The following PRMT2 variants were observed in gnomAD, a reference collection of about 807,000 sequenced individuals.
The protein encoded by PRMT2 is protein arginine N-methyltransferase 2.
In PRMT2, 26 loss-of-function variants were observed where a neutral mutation model predicts 57.6. That is an observed-to-expected ratio of 0.45 (90% confidence interval 0.33 to 0.63). The LOEUF is 0.63. Among genes scored for constraint, PRMT2 ranks in the 20% least tolerant of loss-of-function variants. PRMT2 has a pLI of 0.02. For synonymous variants in PRMT2, 219 were observed against 220.0 expected (o/e 1.00, Z 0.04); for missense variants, 472 against 564.4 (o/e 0.84, Z 1.66).
At chr21:46,653,072 T>G (rs749514885) in intron 7 of PRMT2, 12 of 1,074,988 alleles carry the variant, frequency 1.1e-5, no homozygotes, top group Non-Finnish European at 1.3e-5. Flanking sequence ...GTGCTGTCAA[T>G]ATGTGATGAG....
intron 3 of PRMT2, among the ~76,000 whole-genome samples, chr21:46,640,220 A>G (rs960128839): frequency 6.6e-6 from 1 of 152,198 alleles, no homozygotes; most frequent in Non-Finnish European, 1.5e-5. Flanking sequence ...ACAATAAATT[A>G]TCATTATTGC....
In PRMT2 at chr21:46,654,070, G is replaced by A. The variant is rs1394434036; in HGVS notation, c.654+4331G>A. ...GAGGAAGGAGGAGGAGCTGGTGGGTGCTGAGACTGCAGTGTCCTCCTTCCC... is the reference window on the plus strand; with the variant it reads ...GAGGAAGGAGGAGGAGCTGGTGGGTACTGAGACTGCAGTGTCCTCCTTCCC... On this transcript the variant is annotated intron_variant, in intron 7 of 11. Transcript: ENST00000355680. 4.1e-6 allele frequency: 4 copies of A among 987,514 alleles called. No homozygotes were observed. In the Admixed American group the frequency reaches 1.8e-4, roughly 45 times the overall value. The allele number at this position is 987,514 out of a possible 1,614,324, so 61.2% of individuals were successfully genotyped here.
At chr21:46,642,019 T>G (rs2061285783) in intron 3 of PRMT2, among the ~76,000 whole-genome samples, 2 of 152,176 alleles carry the variant, frequency 1.3e-5, no homozygotes, top group South Asian at 4.1e-4. Flanking sequence ...GTAACAACAG[T>G]GATTTTTACC....
At position 46,643,623 on chromosome 21, in the gene PRMT2, C is replaced by T. The variant is rs1436612653; in HGVS notation, c.128C>T (p.Ala43Val). The T allele has an allele frequency of 6.8e-6, 11 of 1,609,380 alleles. No individual in the cohort carries two copies. The highest frequency in any genetic ancestry group is 6.8e-6 in the Non-Finnish European group (8 of 1,178,662). ...EEFVAIADYA[A>V]TDETQLSFLR... is the part of the protein sequence containing the mutation. The stretch of plus-strand genomic sequence containing the variant: ...TTTGTGGCCATCGCGGACTACGCTG[C>T]CACCGATGAGACCCAGGTAGCCACA... The change falls in exon 4 of 12, where the codon GCC becomes GTC. Residue 43 changes from alanine (A) to valine (V), a missense_variant. Ala to Val is a moderately conservative substitution (Grantham distance 64, BLOSUM62 0). This residue lies in a region of PRMT2 where 243 missense variants were observed against 347.2 expected (regional missense o/e 0.70). Coordinates refer to ENST00000355680, the MANE Select transcript of PRMT2 (RefSeq NM_206962.4).
intron 3 of PRMT2, among the ~76,000 whole-genome samples, chr21:46,640,326 T>C (rs1330886305): frequency 1.3e-5 from 2 of 152,186 alleles, no homozygotes; most frequent in Non-Finnish European, 2.9e-5. Context: ...TTTCCCTTTT[T>C]CTTGCATTCT....
chr21:46,664,774 C>T lies in PRMT2; in HGVS notation c.*447C>T, dbSNP rs1396025432. On this transcript the variant is annotated 3_prime_UTR_variant, in exon 12 of 12. Transcript: ENST00000355680. ...CACTCGTGTGGGACGTAGGATTGCA[C>T]AGGGCTGTGCCAGTGGCGTGTAGGG... 9.4e-6 allele frequency: 2 copies of T among 213,212 alleles called. No homozygotes were observed. The highest frequency in any genetic ancestry group is 1.9e-5 in the Non-Finnish European group (2 of 103,710). 13.2% of individuals were successfully genotyped at this position (213,212 alleles called of 1,614,324 possible).
chr21:46,640,142 C>T (rs904810972), intron 3 of PRMT2, among the ~76,000 whole-genome samples: 1 of 152,098 alleles, frequency 6.6e-6, no homozygotes, highest in African/African-American at 2.4e-5. Context: ...AAGTTAGTTT[C>T]ATTTACCAGC....
intron 7 of PRMT2, among the ~76,000 whole-genome samples, chr21:46,651,353 C>G (rs1449828458): frequency 6.6e-6 from 1 of 151,880 alleles, no homozygotes; most frequent in Admixed American, 6.6e-5. Context: ...AGGGAGGGCC[C>G]TGGGGAGGGT....
intron 5 of PRMT2, among the ~76,000 whole-genome samples, chr21:46,647,001 C>T (rs1024550869): frequency 1.3e-5 from 2 of 152,292 alleles, no homozygotes; most frequent in East Asian, 1.9e-4. Context: ...ATAGTAACCT[C>T]CAAAGGTGGC....
intron 9 of PRMT2, chr21:46,661,524 C>G (rs2061620716): frequency 3.6e-6 from 1 of 275,020 alleles, no homozygotes; most frequent in Non-Finnish European, 6.7e-6. Context: ...CTGGAGCTCT[C>G]CAACTCCTTA....
chr21:46,645,864 G>A lies in PRMT2; in HGVS notation c.327+1376G>A, dbSNP rs192438857. On this transcript the variant is annotated intron_variant, in intron 5 of 11. Transcript: ENST00000355680. ...CCTGTGTACCTGGGACTACAGGTGC[G>A]TGCCACCATGCCTGGCTAATTTTTG... Among the ~76,000 whole-genome samples, 70 of 152,142 alleles carry A rather than the reference G, an allele frequency of 4.6e-4. No homozygotes were observed. The East Asian group carries it at 0.014, about 29-fold the overall frequency.
rs779956495 is a variant in PRMT2 at position 46,651,722 on chromosome 21, A to G, written c.654+1983A>G. On this transcript the variant is annotated intron_variant, in intron 7 of 11. Coordinates refer to ENST00000355680, the MANE Select transcript of PRMT2 (RefSeq NM_206962.4). The stretch of plus-strand genomic sequence containing the variant: ...CCTATGGCGATAGTTGTTGGGGCAC[A>G]GGGTTGGTCGGATTTGAGGGAGGGA... 8.1e-6 allele frequency: 12 copies of G among 1,475,304 alleles called. 1 individual carries two copies. Among genetic ancestry groups the G allele is most frequent in the Non-Finnish European group, 1.0e-5 (11 of 1,073,678 alleles). 91.4% of individuals were successfully genotyped at this position (1,475,304 alleles called of 1,614,324 possible).
chr21:46,656,872 A>G (rs1486602168), intron 7 of PRMT2: 3 of 151,096 alleles, frequency 2.0e-5, no homozygotes, highest in African/African-American at 7.4e-5. Context: ...ATGCTAAGAG[A>G]ATAAAAAAGA....
At chr21:46,640,065 A>G (rs2061244224) in intron 3 of PRMT2, among the ~76,000 whole-genome samples, 1 of 152,218 alleles carries the variant, frequency 6.6e-6, no homozygotes, top group South Asian at 2.1e-4. Context: ...TTCCCAAGAA[A>G]TTGCAGTATG....
In PRMT2 at chr21:46,642,161, C is replaced by T. The variant is rs181571930; in HGVS notation, c.40-1374C>T. 8.8e-4 allele frequency among the ~76,000 whole-genome samples: 134 copies of T among 152,260 alleles called. 1 individual carries two copies. The highest frequency in any genetic ancestry group is 2.9e-3 in the African/African-American group (119 of 41,542). ...CACTGGGTGGTAAAACCAAAAGCCA[C>T]ATAGTCTCAGTCCATCAGGTTCACA... On this transcript the variant is annotated intron_variant, in intron 3 of 11. Transcript: ENST00000355680.
chr21:46,660,001 A>G (rs763505352), intron 8 of PRMT2: 6 of 984,126 alleles, frequency 6.1e-6, no homozygotes, highest in African/African-American at 5.2e-5. Flanking sequence ...GTATATCACA[A>G]TGCTAAGACA....
rs556669331 is a variant in PRMT2 at position 46,652,974 on chromosome 21, C to T, written c.654+3235C>T. ...GGGCTGCCTCCTGGACCTTTCAGGA[C>T]GCTTTGCAAGGTCACTGAGGATCTC... is the stretch of plus-strand genomic sequence containing the variant. On this transcript the variant is annotated intron_variant, in intron 7 of 11. Transcript: ENST00000355680. 136 of 1,244,828 alleles carry T rather than the reference C, an allele frequency of 1.1e-4. 2 individuals carry two copies. In the African/African-American group the frequency reaches 1.7e-3, roughly 15 times the overall value. 77.1% of individuals were successfully genotyped at this position (1,244,828 alleles called of 1,614,324 possible).
chr21:46,658,570 GGCAT>G lies in PRMT2; in HGVS notation c.655-174_655-171del, dbSNP rs1165872076. ...CTGTGAGATGCATCAGTGACGTGTG[GGCAT>G]AAAATAAACCCTCGAGATGTTCTCT... On this transcript the variant is annotated intron_variant, in intron 7 of 11. Coordinates refer to ENST00000355680, the MANE Select transcript of PRMT2 (RefSeq NM_206962.4). 1.9e-5 allele frequency: 22 copies of G among 1,147,988 alleles called. No homozygotes were observed. In the African/African-American group the frequency reaches 3.3e-4, roughly 17 times the overall value. 71.1% of individuals were successfully genotyped at this position (1,147,988 alleles called of 1,614,324 possible).
chr21:46,646,921 C>T (rs751762260), intron 5 of PRMT2, among the ~76,000 whole-genome samples: 101 of 152,308 alleles, frequency 6.6e-4, no homozygotes, highest in Non-Finnish European at 1.2e-3. Flanking sequence ...TCCAAGATGG[C>T]GCCTCATGGC....
Sources: gnomAD v4.1 joint callset for allele counts (sites outside exome capture counted in the v4.1 genomes callset) on GRCh38, gnomAD v4.1.1 for gene constraint, gnomAD v4.1.1 regional missense constraint, MANE v1.5 for transcripts, NCBI Gene and HGNC (gene_info 2026-07-23, HGNC 2026-07-21) for gene names.